LINGO2: variants seen among roughly 807,000 people sequenced by gnomAD.
The protein encoded by LINGO2 is leucine rich repeat and Ig domain containing 2.
LINGO2 carries 14 observed loss-of-function variants against 30.6 expected under a neutral mutation model. That is an observed-to-expected ratio of 0.46 (90% CI 0.30 to 0.72). The LOEUF (loss-of-function observed/expected upper bound fraction) is 0.72, where lower values mean the gene tolerates loss of function less well. Ranked by LOEUF, LINGO2 falls within the 30% of genes least tolerant of loss-of-function variation. The pLI is 0.07. For synonymous variants in LINGO2, 317 were observed against 288.5 expected, an observed-to-expected ratio of 1.10 and a Z score of -1.00; for missense variants, 729 against 751.7, an observed-to-expected ratio of 0.97 and a Z score of 0.35.
the LINGO2 span, among the ~76,000 whole-genome samples, chr9:28,739,016 A>T: frequency 1.3e-5 from 2 of 151,994 alleles, no homozygotes; most frequent in Admixed American, 1.3e-4. Context: ...GTAATGAAAC[A>T]TTTCTAGGTT....
At chr9:28,565,237 G>C (rs761288833) in intron 1 of LINGO2, among the ~76,000 whole-genome samples, 8 of 152,102 alleles carry the variant, frequency 5.3e-5, no homozygotes, top group Non-Finnish European at 8.8e-5. Flanking sequence ...GCCCAGGCTG[G>C]AGTGCAGTGG....
rs62554704 is a variant in LINGO2, at chr9:28,019,753, T to C, written c.-86-7348A>G. Among the ~76,000 whole-genome samples, 398 of 152,304 alleles carry C rather than the reference T, an allele frequency of 2.6e-3. 2 individuals are homozygous for C. Among genetic ancestry groups the C allele is most frequent in the Non-Finnish European group, 3.3e-3 (227 of 68,026 alleles). On this transcript the variant is annotated intron_variant, in intron 4 of 5. Coordinates refer to ENST00000379992, the Ensembl canonical transcript of LINGO2. ...ATATTTTTTCTAAAAATAATGTATA[T>C]ATATGTGTGTATATATTATATTGCT...
At chr9:28,699,245 A>G in the LINGO2 span, among the ~76,000 whole-genome samples, 3 of 151,842 alleles carry the variant, frequency 2.0e-5, no homozygotes, top group Non-Finnish European at 4.4e-5. Flanking sequence ...TATGGACTGT[A>G]TTTTTTTGGC....
intron 4 of LINGO2, among the ~76,000 whole-genome samples, chr9:28,149,830 C>T (rs1450635477): frequency 2.7e-5 from 4 of 148,498 alleles, no homozygotes; most frequent in East Asian, 2.1e-4. Context: ...TCTGCCCGGC[C>T]GCCTCACGGT....
At chr9:28,684,801 G>A in the LINGO2 span, among the ~76,000 whole-genome samples, 1 of 152,132 alleles carries the variant, frequency 6.6e-6, no homozygotes, top group Non-Finnish European at 1.5e-5. Context: ...TTAAAGGCAT[G>A]AGACACTGCA....
At chr9:28,698,231 T>A in the LINGO2 span, among the ~76,000 whole-genome samples, 1 of 152,060 alleles carries the variant, frequency 6.6e-6, no homozygotes, top group Non-Finnish European at 1.5e-5. Flanking sequence ...TCAATGGTAT[T>A]TGCATCATGG....
intron 2 of LINGO2, among the ~76,000 whole-genome samples, chr9:28,474,115 C>A (rs1001897549): frequency 1.3e-5 from 2 of 152,148 alleles, no homozygotes; most frequent in African/African-American, 4.8e-5. Flanking sequence ...GAGAAAGCCA[C>A]AAAATCATCT....
At chr9:28,065,286 T>C (rs1563954577) in intron 4 of LINGO2, among the ~76,000 whole-genome samples, 1 of 152,138 alleles carries the variant, frequency 6.6e-6, no homozygotes, top group Non-Finnish European at 1.5e-5. Flanking sequence ...GTATTTGTTT[T>C]GTTCACTGCC....
chr9:29,015,526 G>T, the LINGO2 span, among the ~76,000 whole-genome samples: 1 of 152,048 alleles, frequency 6.6e-6, no homozygotes, highest in Non-Finnish European at 1.5e-5. Flanking sequence ...AATGAATGCA[G>T]CTGTGTTCTA....
At chr9:28,958,812 T>C in the LINGO2 span, among the ~76,000 whole-genome samples, 2 of 151,734 alleles carry the variant, frequency 1.3e-5, no homozygotes, top group Admixed American at 6.6e-5. Context: ...GAAAGAGAGG[T>C]TGGCCATGGC....
chr9:28,600,510 C>T (rs1825415025), intron 1 of LINGO2, among the ~76,000 whole-genome samples: 1 of 152,062 alleles, frequency 6.6e-6, no homozygotes, highest in Non-Finnish European at 1.5e-5. Context: ...CTGAGAGTAT[C>T]ATCTCTTTGG....
the LINGO2 span, among the ~76,000 whole-genome samples, chr9:28,993,560 C>G: frequency 6.6e-6 from 1 of 151,030 alleles, no homozygotes; most frequent in Non-Finnish European, 1.5e-5. Flanking sequence ...AGAGACACAA[C>G]CAAAAAAGAG....
At chr9:28,794,571 C>G in the LINGO2 span, among the ~76,000 whole-genome samples, 2 of 152,098 alleles carry the variant, frequency 1.3e-5, no homozygotes, top group Admixed American at 6.5e-5. Context: ...TTTGATCATT[C>G]TGCTCTTTCT....
intron 1 of LINGO2, among the ~76,000 whole-genome samples, chr9:28,562,436 T>G (rs58164948): frequency 0.068 from 4,353 of 64,086 alleles, 232 homozygotes; most frequent in African/African-American, 0.21. Context: ...CAACAGGAAA[T>G]AAGCAATGTG....
chr9:28,997,592 G>T, the LINGO2 span, among the ~76,000 whole-genome samples: 2 of 152,160 alleles, frequency 1.3e-5, no homozygotes, highest in Non-Finnish European at 2.9e-5. Flanking sequence ...GGGAGGCCAA[G>T]GCTGGCGGAT....
chr9:28,615,822 T>C (rs888764811), intron 1 of LINGO2, among the ~76,000 whole-genome samples: 5 of 152,236 alleles, frequency 3.3e-5, no homozygotes, highest in Non-Finnish European at 5.9e-5. Flanking sequence ...TTTTAATCAA[T>C]GGCTTAAGAT....
At chr9:28,639,498 G>A (rs2135926617) in intron 1 of LINGO2, among the ~76,000 whole-genome samples, 1 of 152,016 alleles carries the variant, frequency 6.6e-6, no homozygotes, top group African/African-American at 2.4e-5. Context: ...ATGAATCTGG[G>A]TGCTCCTGTG....
At chr9:28,449,654 C>T (rs573287259) in intron 2 of LINGO2, among the ~76,000 whole-genome samples, 43 of 152,056 alleles carry the variant, frequency 2.8e-4, no homozygotes, top group Non-Finnish European at 4.7e-4. Context: ...TACCATACGA[C>T]GAGTCTGGAA....
the LINGO2 span, among the ~76,000 whole-genome samples, chr9:28,769,547 C>T: frequency 3.3e-4 from 25 of 76,310 alleles, no homozygotes; most frequent in South Asian, 4.3e-4. Flanking sequence ...TTTTTTTTTA[C>T]CTGAATGTCC....
Sources: gnomAD v4.1 joint callset for allele counts (sites outside exome capture counted in the v4.1 genomes callset) on GRCh38, gnomAD v4.1.1 for gene constraint, MANE v1.5 for transcripts, NCBI Gene and HGNC (gene_info 2026-07-23, HGNC 2026-07-21) for gene names.